The following ACTR2 variants were observed in gnomAD, a reference collection of about 807,000 sequenced individuals.
The protein encoded by ACTR2 is actin related protein 2.
ACTR2 carries 5 observed loss-of-function variants against 50.2 expected under a neutral mutation model. The ratio of observed to expected loss-of-function variants is 0.10; its 90% CI spans 0.05 to 0.21. ACTR2 has a LOEUF of 0.21. ACTR2 is among the 10% of genes least tolerant of loss of function. ACTR2 has a pLI of 1.00. For synonymous variants in ACTR2, 140 were observed against 162.9 expected, an observed-to-expected ratio of 0.86 and a Z score of 1.07; for missense variants, 180 against 480.6, an observed-to-expected ratio of 0.37 and a Z score of 5.85.
chr2:65,228,030 G>T (rs1671559795), intron 1 of ACTR2, 73 bp downstream of exon 1: 13 of 1,384,784 alleles, frequency 9.4e-6, no homozygotes, highest in African/African-American at 3.1e-5. Flanking sequence ...ACGGGCCCTC[G>T]GCCCCCAGGG....
chr2:65,247,466 T>C (rs987576061), intron 3 of ACTR2, among the ~76,000 whole-genome samples: 1 of 152,136 alleles, frequency 6.6e-6, no homozygotes, highest in Non-Finnish European at 1.5e-5. Flanking sequence ...CGGGTGCCTG[T>C]AGTCCCAGCT....
intron 2 of ACTR2, among the ~76,000 whole-genome samples, chr2:65,241,620 C>G (rs1439617452): frequency 2.0e-5 from 3 of 152,222 alleles, no homozygotes; most frequent in South Asian, 4.1e-4. Context: ...AACTTGAACA[C>G]TAGAGCTTGG....
At chr2:65,260,506 A>T (rs1185181791) in intron 6 of ACTR2, among the ~76,000 whole-genome samples, 1 of 152,228 alleles carries the variant, frequency 6.6e-6, no homozygotes, top group Non-Finnish European at 1.5e-5. Flanking sequence ...CTCTGTCTCA[A>T]TCAATCAGTC....
intron 6 of ACTR2, among the ~76,000 whole-genome samples, chr2:65,256,983 A>C (rs1386576764): frequency 6.6e-6 from 1 of 152,106 alleles, no homozygotes; most frequent in Non-Finnish European, 1.5e-5. Context: ...TCTGGGATAC[A>C]TGTGCAGAAA....
At position 65,231,048 on chromosome 2, in the gene ACTR2, T is replaced by C; in HGVS notation, c.48+3091T>C. ...CAGCCTGGGCGACAGAGTGAGACTG[T>C]CACAAAAAAAAAAAAAAGCTGATTG... On this transcript the variant is annotated intron_variant, in intron 1 of 8. Transcript: ENST00000260641. 1.4e-5 allele frequency among the ~76,000 whole-genome samples: 2 copies of C among 146,812 alleles called. 1 individual carries two copies. The highest frequency in any genetic ancestry group is 4.0e-4 in the East Asian group (2 of 5,050).
intron 4 of ACTR2, among the ~76,000 whole-genome samples, 165 bp from the exon 5 acceptor site, chr2:65,253,563 C>T (rs1277657866): frequency 1.3e-5 from 2 of 152,092 alleles, no homozygotes; most frequent in Non-Finnish European, 2.9e-5. Flanking sequence ...AGAACACTCG[C>T]TTTAATACTT....
chr2:65,246,469 GTTTTC>G, intron 2 of ACTR2, 50 bp from the exon 3 acceptor site: 1 of 1,244,534 alleles, frequency 8.0e-7, no homozygotes, highest in South Asian at 1.5e-5. Context: ...TTATTCCCAA[GTTTTC>G]TTAAATATTA....
rs191711755 is a variant in ACTR2, at chr2:65,267,545, G to A, written c.1015-1019G>A. 2.2e-3 allele frequency among the ~76,000 whole-genome samples: 332 copies of A among 152,262 alleles called. 4 individuals are homozygous for A. The highest frequency in any genetic ancestry group is 0.019 in the Admixed American group (294 of 15,292). The stretch of plus-strand genomic sequence containing the variant: ...ATACTGTAAATGAAAAACTTGCTAT[G>A]TCATTTTAAGGTTTCTCTTTCAGGT... On this transcript the variant is annotated intron_variant, in intron 8 of 8. Transcript: ENST00000260641.
Position 65,253,722 on chromosome 2 carries a change from A to AT in ACTR2, c.449-5dup. 1 of 1,608,056 alleles carries AT rather than the reference A, an allele frequency of 6.2e-7. No individual in the cohort carries two copies. Among genetic ancestry groups the AT allele is most frequent in the Non-Finnish European group, 8.5e-7 (1 of 1,178,260 alleles). On this transcript the variant is annotated splice_polypyrimidine_tract_variant and splice_region_variant and intron_variant, in intron 4 of 8. Coordinates refer to ENST00000260641, the MANE Select transcript of ACTR2 (RefSeq NM_005722.4). ...TTTTATTTAAATCCCCCTGGCTTTT[A>AT]TGCAGGTTTATTGACTGGTGTAGTG...
intron 2 of ACTR2, 135 bp downstream of exon 2, chr2:65,240,097 T>A: frequency 1.7e-6 from 1 of 594,778 alleles, no homozygotes; most frequent in Non-Finnish European, 2.9e-6. Context: ...GTTCTCATAT[T>A]TTTAATTTAT....
At chr2:65,233,002 T>G (rs1209186670) in intron 1 of ACTR2, among the ~76,000 whole-genome samples, 1 of 151,898 alleles carries the variant, frequency 6.6e-6, no homozygotes, top group African/African-American at 2.4e-5. Context: ...GTTTAGTTTT[T>G]TTTTTTTTTT....
intron 1 of ACTR2, among the ~76,000 whole-genome samples, chr2:65,233,302 T>C (rs1671674829): frequency 6.6e-6 from 1 of 151,884 alleles, no homozygotes; most frequent in African/African-American, 2.4e-5. Context: ...TCTAGATTTT[T>C]TTTAATACTG....
At chr2:65,229,750 C>CAAA (rs57953942) in intron 1 of ACTR2, among the ~76,000 whole-genome samples, 70 of 53,740 alleles carry the variant, frequency 1.3e-3, no homozygotes, top group Middle Eastern at 9.1e-3. Context: ...GACTCCGTCT[C>CAAA]AAAAAAAAAA....
intron 2 of ACTR2, among the ~76,000 whole-genome samples, chr2:65,241,589 A>G (rs1174158789): frequency 6.6e-6 from 1 of 152,172 alleles, no homozygotes; most frequent in Admixed American, 6.5e-5. Flanking sequence ...ACAGCAAAAG[A>G]TACCTGTGTC....
chr2:65,267,495 C>T (rs1672394851), intron 8 of ACTR2, among the ~76,000 whole-genome samples: 1 of 152,146 alleles, frequency 6.6e-6, no homozygotes, highest in Non-Finnish European at 1.5e-5. Context: ...GACATAGTTA[C>T]ATTGGGTCTT....
intron 3 of ACTR2, among the ~76,000 whole-genome samples, chr2:65,249,157 A>G (rs935085378): frequency 1.3e-5 from 2 of 152,236 alleles, no homozygotes. Flanking sequence ...TATATGAAGT[A>G]GAAATTTAAT....
At chr2:65,267,382 A>AG (rs1672393514) in intron 8 of ACTR2, among the ~76,000 whole-genome samples, 1 of 152,180 alleles carries the variant, frequency 6.6e-6, no homozygotes, top group Admixed American at 6.5e-5. Context: ...AACAATTAAA[A>AG]CAGTCTCAGA....
chr2:65,257,246 CTTCA>C (rs1223617102), intron 6 of ACTR2, among the ~76,000 whole-genome samples: 265 of 152,256 alleles, frequency 1.7e-3, no homozygotes, highest in African/African-American at 5.7e-3. Context: ...TGGTTTCCAG[CTTCA>C]CCCATGCCCC....
At position 65,258,063 on chromosome 2, in the gene ACTR2, T is replaced by C. The variant is rs557607568; in HGVS notation, c.735+2369T>C. 2.2e-4 allele frequency among the ~76,000 whole-genome samples: 34 copies of C among 152,284 alleles called. 1 individual carries two copies. Among genetic ancestry groups the C allele is most frequent in the African/African-American group, 7.9e-4 (33 of 41,566 alleles). On this transcript the variant is annotated intron_variant, in intron 6 of 8. Transcript: ENST00000260641. ...TATTGGCTAGGTTTTCTTCTAGGAG[T>C]AAACCCATTTTGTAACTTAATCATC...
Sources: gnomAD v4.1 joint callset for allele counts (sites outside exome capture counted in the v4.1 genomes callset) on GRCh38, gnomAD v4.1.1 for gene constraint, MANE v1.5 for transcripts, NCBI Gene and HGNC (gene_info 2026-07-23, HGNC 2026-07-21) for gene names.